The following SBF2 variants were observed in gnomAD, a reference collection of about 807,000 sequenced individuals.
The protein encoded by SBF2 is SET binding factor 2.
Under a neutral mutation model 225.2 loss-of-function variants are expected in SBF2, and 112 were observed. That is an observed-to-expected ratio of 0.50 (90% CI 0.43 to 0.58). The LOEUF (loss-of-function observed/expected upper bound fraction) is 0.58. SBF2 is among the 20% of genes least tolerant of loss of function. The pLI, the probability that SBF2 is intolerant of heterozygous loss-of-function variation, is 0.00. For missense variants in SBF2, 1,996 were observed against 2,206.2 expected, an observed-to-expected ratio of 0.90 and a Z score of 1.91; for synonymous variants, 763 against 773.3, an observed-to-expected ratio of 0.99 and a Z score of 0.22.
intron 11 of SBF2, 148 bp from the exon 12 acceptor site, chr11:9,992,691 A>G (rs1947490653): frequency 1.3e-6 from 1 of 786,972 alleles, no homozygotes; most frequent in East Asian, 2.7e-5. Flanking sequence ...TCTCAAAGAG[A>G]GTTATTCTGA....
At chr11:10,020,699 T>C (rs1425498828) in intron 6 of SBF2, among the ~76,000 whole-genome samples, 2 of 152,154 alleles carry the variant, frequency 1.3e-5, no homozygotes, top group Non-Finnish European at 2.9e-5. Context: ...AGTAACATTA[T>C]CACTTCAAAA....
intron 2 of SBF2, among the ~76,000 whole-genome samples, chr11:10,110,504 T>C (rs897999573): frequency 2.2e-4 from 34 of 152,136 alleles, no homozygotes; most frequent in Middle Eastern, 3.2e-3. Context: ...TAAACTTCTA[T>C]GCACAAAGAA....
At position 10,036,015 on chromosome 11, in the gene SBF2, T is replaced by C. The variant is rs536256245; in HGVS notation, c.280-4845A>G. Among the ~76,000 whole-genome samples the C allele has an allele frequency of 1.4e-4, 22 of 152,304 alleles. No homozygotes were observed. In the South Asian group the frequency reaches 4.4e-3, roughly 30 times the overall value. On this transcript the variant is annotated intron_variant, in intron 3 of 39. Transcript: ENST00000256190. ...AGGAAAGACTTAGAATGAACCCATA[T>C]GTCCACCAATAATAGATCGGATTAA...
At chr11:10,199,782 C>G (rs1397528886) in intron 1 of SBF2, among the ~76,000 whole-genome samples, 1 of 151,982 alleles carries the variant, frequency 6.6e-6, no homozygotes, top group Non-Finnish European at 1.5e-5. Flanking sequence ...AATGGTGGTA[C>G]AAACCTGTAG....
intron 1 of SBF2, among the ~76,000 whole-genome samples, chr11:10,258,566 TCTTTGATAATTTCAA>T (rs1208934194): frequency 6.6e-6 from 1 of 152,258 alleles, no homozygotes; most frequent in African/African-American, 2.4e-5. Flanking sequence ...ACCATCTTTT[TCTTTGATAATTTCAA>T]CTAAACTAGG....
intron 16 of SBF2, among the ~76,000 whole-genome samples, chr11:9,912,740 G>A (rs2134192699): frequency 1.3e-5 from 2 of 152,222 alleles, no homozygotes; most frequent in Middle Eastern, 6.8e-3. Context: ...TAAAAAATTA[G>A]TTTGCCTAAG....
intron 29 of SBF2, 97 bp downstream of exon 29, chr11:9,816,743 G>T: frequency 1.6e-6 from 2 of 1,213,110 alleles, no homozygotes; most frequent in Non-Finnish European, 1.2e-6. Context: ...GAATCATGCT[G>T]TAAAAAAAAT....
rs557975281 is a variant in SBF2, at chr11:9,852,362, T to C, written c.2610+314A>G. On this transcript the variant is annotated intron_variant, in intron 21 of 39. Coordinates refer to ENST00000256190, the MANE Select transcript of SBF2 (RefSeq NM_030962.4). ...TTGGTGGTGGGGGAGGGGGAGAAAATAGGCACAGTATAAAATCTTGGGTTG... is the reference window on the plus strand; with the variant it reads ...TTGGTGGTGGGGGAGGGGGAGAAAACAGGCACAGTATAAAATCTTGGGTTG... Among the ~76,000 whole-genome samples, 16 of 152,166 alleles carry C rather than the reference T, an allele frequency of 1.1e-4. No individual in the cohort carries two copies. The South Asian group carries it at 1.9e-3, about 18-fold the overall frequency.
At chr11:9,851,007 G>A (rs1468702300) in intron 21 of SBF2, among the ~76,000 whole-genome samples, 1 of 151,934 alleles carries the variant, frequency 6.6e-6, no homozygotes, top group Non-Finnish European at 1.5e-5. Context: ...ATGGTGGCAG[G>A]CGCCTGTAAT....
chr11:9,900,872 G>C (rs745493855), intron 16 of SBF2, among the ~76,000 whole-genome samples: 18 of 152,206 alleles, frequency 1.2e-4, no homozygotes, highest in Non-Finnish European at 1.8e-4. Context: ...AAGTAGTTGG[G>C]ACTACAGGCA....
At chr11:9,895,056 A>G (rs10840318) in intron 17 of SBF2, among the ~76,000 whole-genome samples, 128,495 of 152,098 alleles carry the variant, frequency 0.84, 54,605 homozygotes, top group African/African-American at 0.87. Context: ...GCTCCTGACT[A>G]GACCTTGACT....
chr11:10,155,499 G>T (rs1245325424), intron 2 of SBF2, among the ~76,000 whole-genome samples: 1 of 151,796 alleles, frequency 6.6e-6, no homozygotes, highest in Non-Finnish European at 1.5e-5. Flanking sequence ...GGAACTTTGG[G>T]GTAATGCCAA....
chr11:9,806,890 G>GAT (rs1335153939), intron 32 of SBF2, among the ~76,000 whole-genome samples: 1 of 152,096 alleles, frequency 6.6e-6, no homozygotes, highest in Non-Finnish European at 1.5e-5. Flanking sequence ...TGAATTGTAT[G>GAT]ATATATATAG....
intron 2 of SBF2, among the ~76,000 whole-genome samples, chr11:10,152,585 C>T (rs1955261314): frequency 6.6e-6 from 1 of 151,652 alleles, no homozygotes; most frequent in African/African-American, 2.4e-5. Context: ...AAGAAAGTAC[C>T]CCATATATTG....
At chr11:9,856,035 T>C (rs946179703) in intron 19 of SBF2, among the ~76,000 whole-genome samples, 2 of 152,068 alleles carry the variant, frequency 1.3e-5, no homozygotes, top group Admixed American at 6.5e-5. Context: ...TTAGTTTCAG[T>C]GGTATGAGAA....
intron 36 of SBF2, 55 bp from the exon 37 acceptor site, chr11:9,785,373 C>CTGAG (rs1398563062): frequency 7.0e-7 from 1 of 1,432,518 alleles, no homozygotes; most frequent in African/African-American, 1.4e-5. Flanking sequence ...AAACTACTGA[C>CTGAG]TGGAAAATTT....
At chr11:10,086,778 A>G (rs1190072928) in intron 2 of SBF2, among the ~76,000 whole-genome samples, 1 of 152,224 alleles carries the variant, frequency 6.6e-6, no homozygotes, top group Non-Finnish European at 1.5e-5. Flanking sequence ...TGCTAGGTCT[A>G]GGGAAATAAA....
chr11:9,979,626 T>C (rs1470272035), intron 13 of SBF2, among the ~76,000 whole-genome samples: 2 of 152,204 alleles, frequency 1.3e-5, no homozygotes, highest in African/African-American at 4.8e-5. Flanking sequence ...TAACAGATCT[T>C]GGCATGCAAG....
At chr11:9,942,062 A>G (rs1401654378) in intron 16 of SBF2, among the ~76,000 whole-genome samples, 1 of 152,238 alleles carries the variant, frequency 6.6e-6, no homozygotes, top group Admixed American at 6.5e-5. Flanking sequence ...TGAGACCTTC[A>G]TGGAGAAAAA....
Sources: gnomAD v4.1 joint callset for allele counts (sites outside exome capture counted in the v4.1 genomes callset) on GRCh38, gnomAD v4.1.1 for gene constraint, MANE v1.5 for transcripts, NCBI Gene and HGNC (gene_info 2026-07-23, HGNC 2026-07-21) for gene names.